Variants in INPP4B observed in about 807,000 individuals in gnomAD.
INPP4B encodes the protein inositol polyphosphate-4-phosphatase type II B.
In INPP4B, 55 loss-of-function variants were observed where a neutral mutation model predicts 122.5. That is an observed-to-expected ratio of 0.45 (90% CI 0.36 to 0.56). The LOEUF is 0.56. INPP4B is among the 20% of genes least tolerant of loss of function. The probability of loss-of-function intolerance (pLI) is 0.00; values close to 1 mark genes in which losing one functional copy is unlikely to be tolerated. For missense variants in INPP4B, 1,000 were observed against 1,097.7 expected, an observed-to-expected ratio of 0.91 and a Z score of 1.26; for synonymous variants, 403 against 388.7, an observed-to-expected ratio of 1.04 and a Z score of -0.43.
chr4:142,229,401 T>C (rs980437102), intron 12 of INPP4B, among the ~76,000 whole-genome samples: 10 of 152,304 alleles, frequency 6.6e-5, no homozygotes, highest in African/African-American at 2.2e-4. Context: ...ATGAACTATA[T>C]AAGGCTTTGA....
rs1787878276 is a variant in INPP4B at position 142,367,220 on chromosome 4, G to A, written c.372+35718C>T. 4.0e-5 allele frequency among the ~76,000 whole-genome samples: 6 copies of A among 149,678 alleles called. No homozygotes were observed. The Admixed American group carries it at 4.0e-4, about 10-fold the overall frequency. Reference sequence around the variant, plus strand: ...TGTGTGTGTGTGTGTGTGTGTGTGTGTGTGTATTTGCCAGTCATTAGAGAA... The same window carrying A: ...TGTGTGTGTGTGTGTGTGTGTGTGTATGTGTATTTGCCAGTCATTAGAGAA... On this transcript the variant is annotated intron_variant, in intron 7 of 25. Transcript: ENST00000262992.
At chr4:142,519,160 A>G (rs1176707152) in intron 2 of INPP4B, among the ~76,000 whole-genome samples, 5 of 152,158 alleles carry the variant, frequency 3.3e-5, no homozygotes, top group Admixed American at 2.0e-4. Flanking sequence ...GAAAATATCC[A>G]GGAGCAATAG....
intron 15 of INPP4B, among the ~76,000 whole-genome samples, chr4:142,186,570 C>G (rs574697231): frequency 4.9e-4 from 75 of 152,294 alleles, no homozygotes; most frequent in African/African-American, 1.8e-3. Context: ...AATAATTTGA[C>G]ATTACAAGAC....
chr4:142,836,262 A>T (rs1462189303), intron 1 of INPP4B, among the ~76,000 whole-genome samples: 3 of 152,138 alleles, frequency 2.0e-5, no homozygotes, highest in Non-Finnish European at 4.4e-5. Context: ...AGAATGTCTT[A>T]AAAGGGGCAC....
At chr4:142,192,300 A>AAAT (rs1836253115) in intron 15 of INPP4B, among the ~76,000 whole-genome samples, 1 of 127,328 alleles carries the variant, frequency 7.9e-6, no homozygotes, top group Non-Finnish European at 1.6e-5. Context: ...AAGAAAGAAA[A>AAAT]AAACCTGCAC....
intron 15 of INPP4B, among the ~76,000 whole-genome samples, chr4:142,188,511 G>T (rs202141418): frequency 0.1 from 6,380 of 61,930 alleles, 802 homozygotes; most frequent in Middle Eastern, 0.15. Flanking sequence ...AAAAAAAAAA[G>T]AAAAAAAATA....
chr4:142,389,428 A>G (rs1160177163), intron 7 of INPP4B, among the ~76,000 whole-genome samples: 1 of 152,192 alleles, frequency 6.6e-6, no homozygotes, highest in African/African-American at 2.4e-5. Flanking sequence ...TGAAAGAAAA[A>G]TAAAAACTGT....
chr4:142,460,734 A>G (rs1475814435), intron 3 of INPP4B, among the ~76,000 whole-genome samples: 1 of 152,124 alleles, frequency 6.6e-6, no homozygotes, highest in African/African-American at 2.4e-5. Flanking sequence ...ATAACAGTCA[A>G]CTTAATTGGA....
intron 7 of INPP4B, among the ~76,000 whole-genome samples, chr4:142,347,177 T>C (rs959698509): frequency 6.6e-6 from 1 of 152,048 alleles, no homozygotes; most frequent in Non-Finnish European, 1.5e-5. Context: ...TGTAAGTTCA[T>C]ATAGTAATTT....
At chr4:142,341,252 A>G (rs976511741) in intron 7 of INPP4B, among the ~76,000 whole-genome samples, 13 of 152,236 alleles carry the variant, frequency 8.5e-5, no homozygotes, top group African/African-American at 2.2e-4. Flanking sequence ...CTAAACAGAC[A>G]TGATGCAACA....
chr4:142,074,636 A>G (rs1337356844), intron 25 of INPP4B, among the ~76,000 whole-genome samples: 5 of 152,108 alleles, frequency 3.3e-5, no homozygotes, highest in African/African-American at 1.2e-4. Context: ...TTTTGCTGTT[A>G]CTTAAAATTA....
chr4:142,276,306 C>A (rs1748373500), intron 9 of INPP4B, among the ~76,000 whole-genome samples: 1 of 151,840 alleles, frequency 6.6e-6, no homozygotes, highest in Non-Finnish European at 1.5e-5. Flanking sequence ...TTAGACATTG[C>A]CCAGTACTTA....
chr4:142,272,898 C>A (rs1294145150), intron 9 of INPP4B, among the ~76,000 whole-genome samples: 1 of 151,960 alleles, frequency 6.6e-6, no homozygotes, highest in Non-Finnish European at 1.5e-5. Context: ...TTTACTTGGG[C>A]AAGCTAAGTT....
chr4:142,692,225 C>G (rs1760294436), intron 2 of INPP4B, among the ~76,000 whole-genome samples: 1 of 152,108 alleles, frequency 6.6e-6, no homozygotes, highest in Admixed American at 6.5e-5. Flanking sequence ...CTTCACTCAC[C>G]TGCTTTATTG....
chr4:142,462,580 T>C (rs1816943537), intron 3 of INPP4B, 83 bp downstream of exon 3: 1 of 152,324 alleles, frequency 6.6e-6, no homozygotes, highest in South Asian at 2.1e-4. Context: ...TATTGTAAAA[T>C]ATTTTGTTAA....
At chr4:142,324,876 C>T (rs747572029) in intron 7 of INPP4B, among the ~76,000 whole-genome samples, 8 of 152,142 alleles carry the variant, frequency 5.3e-5, no homozygotes, top group Admixed American at 2.6e-4. Context: ...TTACTTGAGG[C>T]CCCTGAAGTC....
At chr4:142,345,314 C>CT (rs952183331) in intron 7 of INPP4B, among the ~76,000 whole-genome samples, 6 of 151,642 alleles carry the variant, frequency 4.0e-5, no homozygotes, top group African/African-American at 4.8e-5. Flanking sequence ...AAAGAGAAGG[C>CT]TTTTTTTTAT....
intron 2 of INPP4B, among the ~76,000 whole-genome samples, chr4:142,463,296 T>G (rs1464468907): frequency 1.3e-5 from 2 of 152,206 alleles, no homozygotes; most frequent in East Asian, 3.9e-4. Context: ...GAAGGGGTTC[T>G]GGTGTCTGAA....
chr4:142,204,039 A>C (rs972531366), intron 14 of INPP4B, among the ~76,000 whole-genome samples: 2 of 152,104 alleles, frequency 1.3e-5, no homozygotes, highest in African/African-American at 4.8e-5. Context: ...AATTTGATTC[A>C]CTACCACCTA....
Sources: allele counts gnomAD v4.1 joint callset (sites outside exome capture counted in the v4.1 genomes callset), GRCh38; gene constraint gnomAD v4.1.1; transcripts MANE v1.5; gene names NCBI Gene and HGNC (gene_info 2026-07-23, HGNC 2026-07-21).